IL9R: variants seen among roughly 807,000 people sequenced by gnomAD.
The protein encoded by IL9R is interleukin-9 receptor.
IL9R carries 54 observed loss-of-function variants against 56.3 expected under a neutral mutation model. The observed-to-expected ratio is 0.96, with a 90% CI of 0.77 to 1.20. The LOEUF is 1.20. IL9R is among the 50% of genes most tolerant of loss of function. IL9R has a pLI of 0.00. For synonymous variants in IL9R, 212 were observed against 250.2 expected (o/e 0.85, Z 1.44); for missense variants, 545 against 629.8 (o/e 0.87, Z 1.44).
intron 8 of IL9R, among the ~76,000 whole-genome samples, chrX:156,008,386 A>G (rs750025056): frequency 1.3e-5 from 2 of 151,290 alleles, no homozygotes; most frequent in Admixed American, 6.5e-5. Flanking sequence ...ACTATGCAGA[A>G]AAATCCTTTT....
chrX:156,009,897 G>A lies in IL9R; in HGVS notation c.1054G>A (p.Val352Ile), dbSNP rs370767665. ...CCCACAGGGAGCCTTGGAGCCCTGC[G>A]TCCAGGAGGCCACTGCACTGCTCAC... is the stretch of plus-strand genomic sequence containing the variant. ...GTPQGALEPC[V>I]QEATALLTCG... Residue 352 changes from valine (V) to isoleucine (I), a missense_variant, in exon 9 of 9, where the codon GTC (valine) becomes ATC (isoleucine). Physicochemically the swap from Val to Ile is conservative, Grantham distance 29. Transcript: ENST00000244174. The A allele has an allele frequency of 4.9e-5, 75 of 1,545,590 alleles. 1 individual carries two copies. The highest frequency in any genetic ancestry group is 7.4e-5 in the African/African-American group (4 of 54,324).
chrX:156,005,403 G>C lies in IL9R; in HGVS notation c.705G>C (p.Val235=), dbSNP rs758372195. Residue 235 remains valine (V), a synonymous_variant, in exon 6 of 9, where the codon GTG becomes GTC. Transcript: ENST00000244174. Reference sequence around the variant, plus strand: ...AGATGGCCACACTGGAGGATGATGTGGTAGAGGAGGAGCGTTATACAGGCC... The same window carrying C: ...AGATGGCCACACTGGAGGATGATGTCGTAGAGGAGGAGCGTTATACAGGCC... The part of the protein sequence containing the change: ...RVQMATLEDD[V]VEEERYTGQW... 1 of 1,613,192 alleles carries C rather than the reference G, an allele frequency of 6.2e-7. No individual in the cohort carries two copies. Among genetic ancestry groups the C allele is most frequent in the South Asian group, 1.1e-5 (1 of 91,034 alleles).
At chrX:156,004,344 C>A in intron 4 of IL9R, 76 bp from the exon 5 acceptor site, 1 of 1,499,252 alleles carries the variant, frequency 6.7e-7, no homozygotes, top group Non-Finnish European at 9.3e-7. Context: ...GTCTTTCAGA[C>A]CCCAGTCTTG....
In IL9R at chrX:156,009,878, G is replaced by A. The variant is rs764333689; in HGVS notation, c.1035G>A (p.Gln345=). The change falls in exon 9 of 9, where the codon CAG becomes CAA. Residue 345 remains glutamine, a synonymous_variant. Transcript: ENST00000244174. ...LLSQDCAGTP[Q]GALEPCVQEA... is the part of the protein sequence containing the mutation. ...GCCAGGACTGTGCTGGCACCCCACA[G>A]GGAGCCTTGGAGCCCTGCGTCCAGG... 1,483 of 1,539,872 alleles carry A rather than the reference G, an allele frequency of 9.6e-4. 101 individuals carry two copies. In the African/African-American group the frequency reaches 0.024, roughly 25 times the overall value.
At chrX:156,002,884 C>A (rs746713107) in intron 1 of IL9R, 22 bp from the exon 2 acceptor site, 12 of 1,613,384 alleles carry the variant, frequency 7.4e-6, no homozygotes, top group Middle Eastern at 1.7e-4. Context: ...TTGCACAGGG[C>A]CCTCAGCCCA....
chrX:156,009,385 TTG>T (rs746512161), intron 8 of IL9R, among the ~76,000 whole-genome samples: 336 of 139,310 alleles, frequency 2.4e-3, no homozygotes, highest in Middle Eastern at 0.012. Flanking sequence ...CTGTGTGTGT[TTG>T]TGTGTGTGTG....
chrX:155,999,753 C>T (rs1420558499), intron 1 of IL9R, among the ~76,000 whole-genome samples: 1 of 152,090 alleles, frequency 6.6e-6, no homozygotes, highest in Non-Finnish European at 1.5e-5. Context: ...GACAGGTGTC[C>T]ACTTCAATAG....
At chrX:155,998,263 G>A (rs1211785496) in intron 1 of IL9R, among the ~76,000 whole-genome samples, 2 of 152,028 alleles carry the variant, frequency 1.3e-5, no homozygotes, top group Admixed American at 6.5e-5. Flanking sequence ...GGAGCCAGGA[G>A]GATGGGTATG....
intron 1 of IL9R, chrX:156,001,227 T>A (rs2067499319): frequency 1.5e-6 from 1 of 654,360 alleles, no homozygotes; most frequent in Admixed American, 2.5e-5. Flanking sequence ...CCTGGCCTGA[T>A]TCTACATAGA....
chrX:155,999,657 G>A (rs2067379589), intron 1 of IL9R, among the ~76,000 whole-genome samples: 3 of 152,068 alleles, frequency 2.0e-5, no homozygotes, highest in South Asian at 2.1e-4. Context: ...TCTGGCACAG[G>A]CTCCATGTCC....
chrX:156,001,626 G>GGT (rs59499324), intron 1 of IL9R: 806,994 of 807,038 alleles, frequency 1, 403,475 homozygotes, highest in Middle Eastern at 1. Context: ...GGTTTGTGCG[G>GGT]TCCTTTAAGG....
chrX:156,000,333 G>C (rs2067434546), intron 1 of IL9R, among the ~76,000 whole-genome samples: 1 of 152,018 alleles, frequency 6.6e-6, no homozygotes, highest in South Asian at 2.1e-4. Flanking sequence ...AAAGGTGAGG[G>C]CAGGGCAGCC....
chrX:156,001,058 T>A (rs1453596172), intron 1 of IL9R, among the ~76,000 whole-genome samples: 2 of 152,118 alleles, frequency 1.3e-5, no homozygotes, highest in Admixed American at 6.5e-5. Context: ...CCCTTGTCGC[T>A]GTACCCAACT....
chrX:156,002,998 T>A lies in IL9R; in HGVS notation c.121T>A (p.Ser41Thr). Residue 41 changes from serine to threonine, a missense_variant, in exon 2 of 9, where the codon TCT becomes ACT. Around this residue, in one of 2 missense-constraint regions of IL9R, gnomAD observed 431 missense variants for 360.0 expected, o/e 1.20. Coordinates refer to ENST00000244174, the MANE Select transcript of IL9R (RefSeq NM_002186.3). Reference sequence around the variant, plus strand: ...CTGCACCTGTGTCTGCTTGGGAGTCTCTGTCACAGGGGAAGGACAAGGTGA... The same window carrying A: ...CTGCACCTGTGTCTGCTTGGGAGTCACTGTCACAGGGGAAGGACAAGGTGA... ...CICTCVCLGV[S>T]VTGEGQGPRS... 1 of 1,613,854 alleles carries A rather than the reference T, an allele frequency of 6.2e-7. No homozygotes were observed. The highest frequency in any genetic ancestry group is 8.5e-7 in the Non-Finnish European group (1 of 1,179,844).
At chrX:156,008,947 C>CTG (rs1243188940) in intron 8 of IL9R, among the ~76,000 whole-genome samples, 46 of 104,886 alleles carry the variant, frequency 4.4e-4, no homozygotes, top group South Asian at 1.2e-3. Flanking sequence ...GTGTGTATGT[C>CTG]TGTGTGTGTG....
At position 156,010,080 on chromosome X, in the gene IL9R, T is replaced by G. The variant is rs2068392353; in HGVS notation, c.1237T>G (p.Trp413Gly). The change falls in exon 9 of 9, where the codon TGG (tryptophan) becomes GGG (glycine). Residue 413 changes from tryptophan (W) to glycine (G), a missense_variant. By Grantham distance (184) the Trp-to-Gly change is radical. Around this residue, in one of 2 missense-constraint regions of IL9R, gnomAD observed 114 missense variants for 269.8 expected, o/e 0.42. Coordinates refer to ENST00000244174, the MANE Select transcript of IL9R (RefSeq NM_002186.3). Reference sequence around the variant, plus strand: ...GCTTGCCTATCTGCCACAGGAGGACTGGGCCCCCACGTCCCTGACTAGGCC... The same window carrying G: ...GCTTGCCTATCTGCCACAGGAGGACGGGGCCCCCACGTCCCTGACTAGGCC... ...QTLAYLPQED[W>G]APTSLTRPAP... 1 of 1,583,236 alleles carries G rather than the reference T, an allele frequency of 6.3e-7. No individual in the cohort carries two copies. Among genetic ancestry groups the G allele is most frequent in the African/African-American group, 1.7e-5 (1 of 58,392 alleles).
At chrX:155,999,908 T>C (rs961367867) in intron 1 of IL9R, among the ~76,000 whole-genome samples, 3 of 152,034 alleles carry the variant, frequency 2.0e-5, no homozygotes, top group East Asian at 1.9e-4. Context: ...GGTGAATCAC[T>C]TGAGGCCAGG....
In IL9R at chrX:156,002,564, G is replaced by A. The variant is rs2067606218; in HGVS notation, c.29-342G>A. Among the ~76,000 whole-genome samples, 3 of 152,218 alleles carry A rather than the reference G, an allele frequency of 2.0e-5. No individual in the cohort carries two copies. In the South Asian group the frequency reaches 6.2e-4, roughly 32 times the overall value. ...CAGGATGGGGCCTGGGCCCGGGAAT[G>A]GGGGATGGGCTGGCAGAGGATGACT... On this transcript the variant is annotated intron_variant, in intron 1 of 8. Transcript: ENST00000244174.
At chrX:156,000,502 G>A (rs2067446315) in intron 1 of IL9R, among the ~76,000 whole-genome samples, 1 of 152,154 alleles carries the variant, frequency 6.6e-6, no homozygotes, top group Non-Finnish European at 1.5e-5. Flanking sequence ...ATCCAAGGCG[G>A]GATAGGCTGT....
Sources: gnomAD v4.1 joint callset for allele counts (sites outside exome capture counted in the v4.1 genomes callset) on GRCh38, gnomAD v4.1.1 for gene constraint, gnomAD v4.1.1 regional missense constraint, MANE v1.5 for transcripts, NCBI Gene and HGNC (gene_info 2026-07-23, HGNC 2026-07-21) for gene names.